Variants in INPP5A observed in about 807,000 individuals in gnomAD.
The protein encoded by INPP5A is 43 kDa inositol polyphosphate 5-phophatase.
A neutral mutation model predicts 65.2 loss-of-function variants in INPP5A; 14 were observed. The observed-to-expected ratio is 0.21, with a 90% confidence interval of 0.14 to 0.34. INPP5A has a LOEUF of 0.34. Ranked by LOEUF, INPP5A falls within the 10% of genes least tolerant of loss-of-function variation. The pLI, the probability that INPP5A is intolerant of heterozygous loss-of-function variation, is 1.00. For synonymous variants in INPP5A, 207 were observed against 208.3 expected, an observed-to-expected ratio of 0.99 and a Z score of 0.05; for missense variants, 431 against 545.6, an observed-to-expected ratio of 0.79 and a Z score of 2.09.
intron 12 of INPP5A, among the ~76,000 whole-genome samples, chr10:132,771,707 A>G (rs867704984): frequency 2.1e-3 from 83 of 39,842 alleles, no homozygotes; most frequent in East Asian, 6.0e-3. Context: ...CACGGCAGCC[A>G]CCCCATGAAG....
chr10:132,654,451 G>A (rs1015314086), intron 4 of INPP5A, among the ~76,000 whole-genome samples: 2 of 152,230 alleles, frequency 1.3e-5, no homozygotes, highest in Non-Finnish European at 2.9e-5. Context: ...GCAGACCTCG[G>A]AACGCTGCCC....
intron 2 of INPP5A, among the ~76,000 whole-genome samples, chr10:132,638,490 G>A (rs1247174910): frequency 3.3e-5 from 5 of 152,170 alleles, no homozygotes; most frequent in Non-Finnish European, 7.4e-5. Flanking sequence ...CCCGGAGCCC[G>A]AGAGATCACC....
At chr10:132,610,330 C>G (rs1020185521) in intron 2 of INPP5A, among the ~76,000 whole-genome samples, 3 of 152,186 alleles carry the variant, frequency 2.0e-5, no homozygotes, top group African/African-American at 7.2e-5. Flanking sequence ...GTCCCCTCTG[C>G]CCCTGCAGCT....
In INPP5A at chr10:132,650,576, T is replaced by C; in HGVS notation, c.306+71T>C. The C allele has an allele frequency of 8.9e-7, 1 of 1,124,294 alleles. No individual in the cohort carries two copies. Among genetic ancestry groups the C allele is most frequent in the Non-Finnish European group, 1.3e-6 (1 of 743,458 alleles). 69.6% of individuals were successfully genotyped at this position (1,124,294 alleles called of 1,614,324 possible). A position where few individuals can be genotyped will look rare whatever the true frequency, so the allele number is the denominator to read the frequency against. On this transcript the variant is annotated intron_variant, in intron 4 of 15. Coordinates refer to ENST00000368594, the MANE Select transcript of INPP5A (RefSeq NM_005539.5). The surrounding 1 kb of genome is among the most constrained non-coding windows in gnomAD (Gnocchi z 5.5). ...TTGGCAGAAGCCAGCCCTTCTCCTG[T>C]GTAAATGGAGAGAGGTCGGGGTGCT... is the stretch of plus-strand genomic sequence containing the variant.
At chr10:132,605,797 T>G (rs2071841865) in intron 1 of INPP5A, among the ~76,000 whole-genome samples, 1 of 152,172 alleles carries the variant, frequency 6.6e-6, no homozygotes, top group African/African-American at 2.4e-5. Flanking sequence ...TCACGTTTCT[T>G]CTCTTCCTTC....
At chr10:132,582,796 A>G (rs781207883) in intron 1 of INPP5A, among the ~76,000 whole-genome samples, 1 of 152,212 alleles carries the variant, frequency 6.6e-6, no homozygotes, top group Non-Finnish European at 1.5e-5. Context: ...ATTCTGCTCC[A>G]TCAGTCCATT....
chr10:132,667,812 A>G (rs1022291298), intron 4 of INPP5A, among the ~76,000 whole-genome samples: 1 of 152,122 alleles, frequency 6.6e-6, no homozygotes, highest in African/African-American at 2.4e-5. Flanking sequence ...GAGGGATGAT[A>G]TTTCTCGGTA....
rs897910557 is a variant in INPP5A, at chr10:132,753,042, G to T, written c.903+3197G>T. On this transcript the variant is annotated intron_variant, in intron 11 of 15. Transcript: ENST00000368594. This position sits in a 1 kb window ranked among gnomAD's most constrained non-coding sequence, Gnocchi z 5.3. ...AGCTCAGGAGGCGCCTTCTGAGGCT[G>T]TTTCTCATGAGAAGAGCCGATGCCT... is the stretch of plus-strand genomic sequence containing the variant. 1.3e-5 allele frequency among the ~76,000 whole-genome samples: 2 copies of T among 152,142 alleles called. No individual in the cohort carries two copies. Among genetic ancestry groups the T allele is most frequent in the African/African-American group, 4.8e-5 (2 of 41,420 alleles).
intron 6 of INPP5A, among the ~76,000 whole-genome samples, chr10:132,699,632 G>C: frequency 6.6e-6 from 1 of 152,178 alleles, no homozygotes; most frequent in Non-Finnish European, 1.5e-5. Flanking sequence ...TTGGGGGTGG[G>C]GGCCGAGGTG....
At position 132,699,784 on chromosome 10, in the gene INPP5A, G is replaced by A. The variant is rs112430760; in HGVS notation, c.474+1865G>A. Among the ~76,000 whole-genome samples the A allele has an allele frequency of 4.4e-3, 673 of 152,238 alleles. 3 individuals are homozygous for A. Among genetic ancestry groups the A allele is most frequent in the African/African-American group, 0.015 (643 of 41,544 alleles). ...CCCCTCCGTCTCTCAGCCCCGCCCC[G>A]AAGCAGCCCTGCCACTCTGGCCAGC... On this transcript the variant is annotated intron_variant, in intron 6 of 15. Transcript: ENST00000368594.
In INPP5A at chr10:132,650,285, C is replaced by T; in HGVS notation, c.219-133C>T. ...GGTGGCTGCCGCCATTCCCTGCCCT[C>T]TGCCTGTCACGGGTGGATGGTCTCA... On this transcript the variant is annotated intron_variant, in intron 3 of 15. Transcript: ENST00000368594. The surrounding 1 kb of genome is among the most constrained non-coding windows in gnomAD (Gnocchi z 5.5). 1.5e-6 allele frequency: 1 copy of T among 668,460 alleles called. No homozygotes were observed. The highest frequency in any genetic ancestry group is 1.7e-5 in the South Asian group (1 of 59,970). 41.4% of individuals were successfully genotyped at this position (668,460 alleles called of 1,614,324 possible).
At chr10:132,602,549 C>T (rs1332841416) in intron 1 of INPP5A, among the ~76,000 whole-genome samples, 1 of 152,172 alleles carries the variant, frequency 6.6e-6, no homozygotes, top group Admixed American at 6.5e-5. Context: ...CCTGCCTCTG[C>T]CTCCCAAAGT....
At chr10:132,722,838 A>G (rs1345452051) in intron 8 of INPP5A, among the ~76,000 whole-genome samples, 2 of 152,192 alleles carry the variant, frequency 1.3e-5, no homozygotes, top group Non-Finnish European at 1.5e-5. Flanking sequence ...TAGGCACATG[A>G]TATTGATGTG....
rs903837876 is a variant in INPP5A at position 132,753,984 on chromosome 10, A to G, written c.903+4139A>G. 2 of 152,268 alleles carry G rather than the reference A, an allele frequency of 1.3e-5. No individual in the cohort carries two copies. The highest frequency in any genetic ancestry group is 4.8e-5 in the African/African-American group (2 of 41,478). The allele number at this position is 152,268 out of a possible 1,614,324, so 9.4% of individuals were successfully genotyped here. A position where few individuals can be genotyped will look rare whatever the true frequency, so the allele number is the denominator to read the frequency against. ...TTATCAATTCAACAGCAACGTGCGC[A>G]GTTTCTAATCAGAAACCTCTCCTGT... On this transcript the variant is annotated intron_variant, in intron 11 of 15. Transcript: ENST00000368594. This position sits in a 1 kb window ranked among gnomAD's most constrained non-coding sequence, Gnocchi z 5.3.
intron 9 of INPP5A, among the ~76,000 whole-genome samples, chr10:132,742,547 A>G (rs1284910212): frequency 1.3e-5 from 2 of 152,204 alleles, no homozygotes; most frequent in East Asian, 3.8e-4. Flanking sequence ...TCCGGCGCCC[A>G]GTCAGGCTGT....
chr10:132,695,744 T>G (rs1166011447), intron 5 of INPP5A, among the ~76,000 whole-genome samples: 1 of 152,186 alleles, frequency 6.6e-6, no homozygotes, highest in African/African-American at 2.4e-5. Flanking sequence ...ATAATACCAT[T>G]TGCTTAAGCA....
At chr10:132,723,086 C>T (rs1845915772) in intron 8 of INPP5A, among the ~76,000 whole-genome samples, 1 of 152,208 alleles carries the variant, frequency 6.6e-6, no homozygotes, top group Admixed American at 6.5e-5. Flanking sequence ...GTCAGCAGAG[C>T]AGGGCGAGGA....
intron 11 of INPP5A, among the ~76,000 whole-genome samples, chr10:132,755,343 C>T (rs572256818): frequency 1.4e-5 from 2 of 143,416 alleles, no homozygotes; most frequent in East Asian, 2.1e-4. Context: ...GCTGTGTGAG[C>T]GTGTGTGTGA....
rs1463453543 is a variant in INPP5A at position 132,741,184 on chromosome 10, C to A, written c.733-8333C>A. ...GAGGTCGAGGCTGCAGTGAGCCAGC[C>A]ATGATCACATCACTGCACTCCATCC... On this transcript the variant is annotated intron_variant, in intron 9 of 15. Coordinates refer to ENST00000368594, the MANE Select transcript of INPP5A (RefSeq NM_005539.5). This position sits in a 1 kb window ranked among gnomAD's most constrained non-coding sequence, Gnocchi z 4.4. Among the ~76,000 whole-genome samples the A allele has an allele frequency of 1.3e-5, 2 of 152,178 alleles. No homozygotes were observed. The highest frequency in any genetic ancestry group is 4.8e-5 in the African/African-American group (2 of 41,436).
Sources: gnomAD v4.1 joint callset for allele counts (sites outside exome capture counted in the v4.1 genomes callset) on GRCh38, gnomAD v4.1.1 for gene constraint, Gnocchi (gnomAD v3.1) non-coding constraint, MANE v1.5 for transcripts, NCBI Gene and HGNC (gene_info 2026-07-23, HGNC 2026-07-21) for gene names.